The following NCKAP5 variants were observed in gnomAD, a reference collection of about 807,000 sequenced individuals.
NCKAP5 encodes NCK associated protein 5.
Under a neutral mutation model 167.0 loss-of-function variants are expected in NCKAP5, and 92 were observed. That is an observed-to-expected ratio of 0.55 (90% CI 0.47 to 0.66). The LOEUF is 0.66. Ranked by LOEUF, NCKAP5 falls within the 30% of genes least tolerant of loss-of-function variation. NCKAP5 has a pLI of 0.00. For missense variants in NCKAP5, 2,378 were observed against 2,315.0 expected, an observed-to-expected ratio of 1.03 and a Z score of -0.56; for synonymous variants, 891 against 877.4, an observed-to-expected ratio of 1.02 and a Z score of -0.27.
At chr2:132,738,866 C>T (rs1467503028) in intron 16 of NCKAP5, among the ~76,000 whole-genome samples, 3 of 152,006 alleles carry the variant, frequency 2.0e-5, no homozygotes, top group Non-Finnish European at 2.9e-5. Flanking sequence ...AGTGAGATCT[C>T]ACACATTACT....
chr2:133,562,718 T>C (rs138359000), intron 1 of NCKAP5, among the ~76,000 whole-genome samples: 32 of 152,306 alleles, frequency 2.1e-4, no homozygotes, highest in African/African-American at 7.7e-4. Flanking sequence ...GAATCACTAA[T>C]CCGGTAAAGT....
chr2:132,908,361 T>C (rs985876438), intron 8 of NCKAP5, among the ~76,000 whole-genome samples: 1 of 152,188 alleles, frequency 6.6e-6, no homozygotes, highest in Non-Finnish European at 1.5e-5. Context: ...TAAGGCACTC[T>C]GGTCAGTCAA....
intron 6 of NCKAP5, among the ~76,000 whole-genome samples, chr2:133,078,302 G>C (rs2080680973): frequency 6.6e-6 from 1 of 152,170 alleles, no homozygotes. Context: ...TGGAGCTGCA[G>C]GTGAATCTAC....
chr2:133,103,956 C>T (rs1356905239), intron 6 of NCKAP5, among the ~76,000 whole-genome samples: 1 of 150,994 alleles, frequency 6.6e-6, no homozygotes, highest in Non-Finnish European at 1.5e-5. Flanking sequence ...ATGGTACCTT[C>T]TTTTCAACAA....
chr2:133,320,989 A>G (rs1682008569), intron 3 of NCKAP5, among the ~76,000 whole-genome samples: 1 of 152,178 alleles, frequency 6.6e-6, no homozygotes, highest in Non-Finnish European at 1.5e-5. Context: ...GAGTAGGCTT[A>G]GCCATAACTT....
intron 5 of NCKAP5, among the ~76,000 whole-genome samples, chr2:133,167,198 A>G (rs1230842414): frequency 6.6e-6 from 1 of 152,224 alleles, no homozygotes; most frequent in East Asian, 1.9e-4. Flanking sequence ...TTTAAGTGAC[A>G]ACACTTAGTG....
At chr2:133,608,981 T>G in the NCKAP5 span, among the ~76,000 whole-genome samples, 1 of 152,230 alleles carries the variant, frequency 6.6e-6, no homozygotes, top group Non-Finnish European at 1.5e-5. Context: ...TCTTGATCTT[T>G]GCACAAACTA....
intron 3 of NCKAP5, among the ~76,000 whole-genome samples, chr2:133,363,366 T>G (rs1311568992): frequency 6.6e-6 from 1 of 152,152 alleles, no homozygotes; most frequent in Non-Finnish European, 1.5e-5. Context: ...TGTCATTCAG[T>G]GGCAAAGTTA....
intron 6 of NCKAP5, among the ~76,000 whole-genome samples, chr2:133,073,210 G>A (rs928049225): frequency 6.6e-6 from 1 of 152,140 alleles, no homozygotes; most frequent in East Asian, 1.9e-4. Flanking sequence ...CTGTAGGCTA[G>A]AGTAGACAGG....
the NCKAP5 span, among the ~76,000 whole-genome samples, chr2:133,617,540 A>G: frequency 7.3e-6 from 1 of 137,124 alleles, no homozygotes; most frequent in Non-Finnish European, 1.6e-5. Flanking sequence ...TCATGAGTGA[A>G]CTCCCATTCA....
At position 133,466,622 on chromosome 2, in the gene NCKAP5, T is replaced by C. The variant is rs374064725; in HGVS notation, c.69+50836A>G. Among the ~76,000 whole-genome samples, 57 of 152,362 alleles carry C rather than the reference T, an allele frequency of 3.7e-4. 1 individual carries two copies. In the East Asian group the frequency reaches 6.2e-3, roughly 16 times the overall value. Reference sequence around the variant, plus strand: ...GGGCAGTATGGCCATTTTCACGATATTGATTCTTCCTACCCATGAGCATGG... The same window carrying C: ...GGGCAGTATGGCCATTTTCACGATACTGATTCTTCCTACCCATGAGCATGG... On this transcript the variant is annotated intron_variant, in intron 3 of 19. Transcript: ENST00000409261.
intron 19 of NCKAP5, among the ~76,000 whole-genome samples, chr2:132,719,169 T>C (rs1689669145): frequency 6.6e-6 from 1 of 151,724 alleles, no homozygotes; most frequent in Non-Finnish European, 1.5e-5. Context: ...AGGTATAAAG[T>C]ACAAGCCAGG....
intron 8 of NCKAP5, among the ~76,000 whole-genome samples, chr2:132,956,400 T>G (rs1163098534): frequency 1.3e-5 from 2 of 152,160 alleles, no homozygotes; most frequent in Non-Finnish European, 2.9e-5. Context: ...CAGTTTCCAT[T>G]GTAGACTTAA....
chr2:132,935,807 C>T (rs776704614), intron 8 of NCKAP5, among the ~76,000 whole-genome samples: 1 of 152,012 alleles, frequency 6.6e-6, no homozygotes, highest in Non-Finnish European at 1.5e-5. Context: ...AGTTCAAAGG[C>T]CATGCCAATG....
intron 5 of NCKAP5, among the ~76,000 whole-genome samples, chr2:133,174,586 A>C (rs1268676832): frequency 6.6e-6 from 1 of 152,182 alleles, no homozygotes; most frequent in Non-Finnish European, 1.5e-5. Context: ...AAATTGTACC[A>C]GCTTTGGTTA....
intron 6 of NCKAP5, among the ~76,000 whole-genome samples, chr2:133,126,512 T>C (rs142382669): frequency 1.9e-3 from 287 of 152,328 alleles, no homozygotes; most frequent in African/African-American, 6.7e-3. Context: ...TTATTCCATA[T>C]ATTAGGAAAT....
At chr2:133,087,919 C>A (rs1461944398) in intron 6 of NCKAP5, among the ~76,000 whole-genome samples, 7 of 152,146 alleles carry the variant, frequency 4.6e-5, no homozygotes, top group African/African-American at 1.7e-4. Flanking sequence ...CAGGTATGAT[C>A]TCCTTCTTTA....
At chr2:132,855,907 G>T (rs968919853) in intron 11 of NCKAP5, among the ~76,000 whole-genome samples, 1 of 152,194 alleles carries the variant, frequency 6.6e-6, no homozygotes, top group Non-Finnish European at 1.5e-5. Flanking sequence ...GCTTATGACT[G>T]TAATCCCAGC....
At chr2:133,393,395 C>T (rs1687544742) in intron 3 of NCKAP5, among the ~76,000 whole-genome samples, 1 of 152,186 alleles carries the variant, frequency 6.6e-6, no homozygotes, top group Non-Finnish European at 1.5e-5. Flanking sequence ...CATTGATCCA[C>T]ACCTGCCTGG....
Sources: allele counts gnomAD v4.1 joint callset (sites outside exome capture counted in the v4.1 genomes callset), GRCh38; gene constraint gnomAD v4.1.1; transcripts MANE v1.5; gene names NCBI Gene and HGNC (gene_info 2026-07-23, HGNC 2026-07-21).